The following TMEM272 variants were observed in gnomAD, a reference collection of about 807,000 sequenced individuals.
TMEM272 encodes the protein transmembrane protein 272.
In TMEM272, 8 loss-of-function variants were observed where a neutral mutation model predicts 3.7. The ratio of observed to expected loss-of-function variants is 2.17; its 90% CI spans 1.27 to 3.91. The LOEUF is 3.91. TMEM272 is among the 30% of genes most tolerant of loss of function. The probability of loss-of-function intolerance (pLI) is 0.00; values close to 1 mark genes in which losing one functional copy is unlikely to be tolerated. For synonymous variants in TMEM272, 63 were observed against 39.8 expected (o/e 1.58, Z -2.20); for missense variants, 166 against 91.5 (o/e 1.81, Z -3.32).
chr13:51,866,993 T>A, the TMEM272 span, among the ~76,000 whole-genome samples: 6 of 152,170 alleles, frequency 3.9e-5, no homozygotes, highest in Non-Finnish European at 8.8e-5. Context: ...TGTGCCCAAC[T>A]TTTCTTCTGG....
chr13:51,860,629 A>G, the TMEM272 span, among the ~76,000 whole-genome samples: 124,304 of 135,408 alleles, frequency 0.92, 57,218 homozygotes, highest in East Asian at 0.99. Flanking sequence ...GAGTGACAGA[A>G]ACATGTCTCA....
At chr13:51,866,317 G>C in the TMEM272 span, 1 of 441,548 alleles carries the variant, frequency 2.3e-6, no homozygotes, top group Non-Finnish European at 4.1e-6. Context: ...ACAGAGATCG[G>C]TCCCAGGCAG....
chr13:51,890,125 A>T, the TMEM272 span, among the ~76,000 whole-genome samples: 1 of 152,300 alleles, frequency 6.6e-6, no homozygotes, highest in African/African-American at 2.4e-5. Flanking sequence ...TGCAGTCCTC[A>T]TCTTTGAGCA....
Position 51,813,457 on chromosome 13 carries a change from A to G in TMEM272, c.*3294T>C. 1 of 392,162 alleles carries G rather than the reference A, an allele frequency of 2.5e-6. No individual in the cohort carries two copies. Among genetic ancestry groups the G allele is most frequent in the Non-Finnish European group, 4.5e-6 (1 of 222,646 alleles). 24.3% of individuals were successfully genotyped at this position (392,162 alleles called of 1,614,324 possible). On this transcript the variant is annotated 3_prime_UTR_variant, in exon 5 of 5. Coordinates refer to ENST00000629372, the MANE Select transcript of TMEM272 (RefSeq NM_001351003.2). ...GCTATTGACCACTTGGCCACTTCTC[A>G]TACTAAAAGAGAAGGAAATAACACG...
At chr13:51,887,354 A>G in the TMEM272 span, among the ~76,000 whole-genome samples, 3 of 152,356 alleles carry the variant, frequency 2.0e-5, no homozygotes, top group Admixed American at 6.5e-5. Context: ...CTTAAGCTGC[A>G]GGATTCTGAA....
the TMEM272 span, among the ~76,000 whole-genome samples, chr13:51,904,917 C>G: frequency 3.8e-4 from 58 of 152,216 alleles, no homozygotes; most frequent in Non-Finnish European, 6.9e-4. Context: ...GTTTCTTAAC[C>G]TCATTAGTAC....
At chr13:51,897,926 C>CAAAAAAAA in the TMEM272 span, among the ~76,000 whole-genome samples, 2 of 98,446 alleles carry the variant, frequency 2.0e-5, no homozygotes, top group African/African-American at 4.2e-5. Flanking sequence ...GACTCCATCT[C>CAAAAAAAA]AAAAAAAAAA....
the TMEM272 span, among the ~76,000 whole-genome samples, chr13:51,850,365 CTTTAT>C: frequency 6.6e-6 from 1 of 152,118 alleles, no homozygotes; most frequent in African/African-American, 2.4e-5. Context: ...CTATCCACTT[CTTTAT>C]TTTAATAATG....
chr13:51,865,673 ACCTTCTGGAAAGAGGAAAAAT>A, the TMEM272 span: 1 of 1,614,122 alleles, frequency 6.2e-7, no homozygotes, highest in Non-Finnish European at 8.5e-7. Flanking sequence ...AGAGGAGAAA[ACCTTCTGGAAAGAGGAAAAAT>A]CCTTCTGGGA....
chr13:51,881,377 GATA>G, the TMEM272 span, among the ~76,000 whole-genome samples: 1 of 151,924 alleles, frequency 6.6e-6, no homozygotes, highest in Non-Finnish European at 1.5e-5. Flanking sequence ...AAAAAAATCA[GATA>G]ATGAGAAATG....
At chr13:51,856,390 G>A in the TMEM272 span, among the ~76,000 whole-genome samples, 1 of 152,166 alleles carries the variant, frequency 6.6e-6, no homozygotes, top group East Asian at 1.9e-4. Flanking sequence ...CAGAACTCAG[G>A]CCCCTCCCAT....
intron 4 of TMEM272, among the ~76,000 whole-genome samples, chr13:51,819,653 T>C (rs1040979740): frequency 6.6e-6 from 1 of 152,212 alleles, no homozygotes; most frequent in Non-Finnish European, 1.5e-5. Context: ...TTTTTGTTCC[T>C]TGTAGTCAAA....
chr13:51,855,322 T>C, the TMEM272 span, among the ~76,000 whole-genome samples: 55 of 152,326 alleles, frequency 3.6e-4, no homozygotes, highest in Middle Eastern at 3.4e-3. Flanking sequence ...AATTGACTTC[T>C]AGCCTCTCTG....
chr13:51,890,922 T>C, the TMEM272 span, among the ~76,000 whole-genome samples: 1 of 152,266 alleles, frequency 6.6e-6, no homozygotes, highest in Non-Finnish European at 1.5e-5. Flanking sequence ...ATTAGATCTT[T>C]AAACTCAATT....
chr13:51,927,260 C>T, the TMEM272 span, among the ~76,000 whole-genome samples: 3 of 152,142 alleles, frequency 2.0e-5, no homozygotes, highest in Non-Finnish European at 2.9e-5. Flanking sequence ...CCCCACCCCA[C>T]CCCAGGAACT....
the TMEM272 span, among the ~76,000 whole-genome samples, chr13:51,892,617 C>T: frequency 2.0e-5 from 3 of 152,174 alleles, no homozygotes; most frequent in Non-Finnish European, 4.4e-5. Context: ...ACATCTCTCT[C>T]TGTAGGTGAC....
the TMEM272 span, among the ~76,000 whole-genome samples, chr13:51,885,477 T>C: frequency 2.6e-5 from 4 of 152,190 alleles, no homozygotes; most frequent in Non-Finnish European, 5.9e-5. Context: ...TCACTCACTA[T>C]CACAAGAAGA....
At position 51,828,040 on chromosome 13, in the gene TMEM272, G is replaced by A. The variant is rs923325822; in HGVS notation, c.59-1415C>T. ...TGCCATCATGAGGGGAAGCCAGCCTGCGAATGAGAACAACGCCCTGAGAGG... is the reference window on the plus strand; with the variant it reads ...TGCCATCATGAGGGGAAGCCAGCCTACGAATGAGAACAACGCCCTGAGAGG... On this transcript the variant is annotated intron_variant, in intron 2 of 4. Coordinates refer to ENST00000629372, the MANE Select transcript of TMEM272 (RefSeq NM_001351003.2). Among the ~76,000 whole-genome samples the A allele has an allele frequency of 5.9e-5, 9 of 152,316 alleles. No homozygotes were observed. The East Asian group carries it at 7.7e-4, about 13-fold the overall frequency.
At chr13:51,879,774 A>G in the TMEM272 span, among the ~76,000 whole-genome samples, 1 of 152,216 alleles carries the variant, frequency 6.6e-6, no homozygotes, top group Non-Finnish European at 1.5e-5. Flanking sequence ...TTTAAAATAC[A>G]GTGGGAGGAT....
Sources: allele counts gnomAD v4.1 joint callset (sites outside exome capture counted in the v4.1 genomes callset), GRCh38; gene constraint gnomAD v4.1.1; transcripts MANE v1.5; gene names NCBI Gene and HGNC (gene_info 2026-07-23, HGNC 2026-07-21).